MGA: variants seen among roughly 807,000 people sequenced by gnomAD.
MGA encodes MAX gene-associated protein.
Under a neutral mutation model 261.1 loss-of-function variants are expected in MGA, and 40 were observed. That is an observed-to-expected ratio of 0.15 (90% confidence interval 0.12 to 0.20). The LOEUF is 0.20. Ranked by LOEUF, MGA falls within the 10% of genes least tolerant of loss-of-function variation. The pLI, the probability that MGA is intolerant of heterozygous loss-of-function variation, is 1.00. For missense variants in MGA, 3,397 were observed against 3,630.5 expected (o/e 0.94, Z 1.65); for synonymous variants, 1,302 against 1,290.6 (o/e 1.01, Z -0.19).
chr15:41,740,275 G>A, intron 14 of MGA, 72 bp downstream of exon 14: 1 of 1,469,198 alleles, frequency 6.8e-7, no homozygotes, highest in Non-Finnish European at 9.3e-7. Flanking sequence ...CAGGTATGGA[G>A]GTTGTAAAAA....
Position 41,742,892 on chromosome 15 carries a change from T to C in MGA, c.4932T>C (p.Asn1644=). The change falls in exon 15 of 24, where the codon AAT becomes AAC. Residue 1644 remains asparagine, a synonymous_variant. Coordinates refer to ENST00000219905, the MANE Select transcript of MGA (RefSeq NM_001164273.2). Reference sequence around the variant, plus strand: ...GGGTTGTTGAGGTCTCTGAAACTAATACCAGCACCTCTGTAACATCTACCC... The same window carrying C: ...GGGTTGTTGAGGTCTCTGAAACTAACACCAGCACCTCTGTAACATCTACCC... 1 of 1,614,054 alleles carries C rather than the reference T, an allele frequency of 6.2e-7. No homozygotes were observed. The highest frequency in any genetic ancestry group is 8.5e-7 in the Non-Finnish European group (1 of 1,179,898).
chr15:41,640,381 C>G (rs2056797014), intron 1 of MGA, among the ~76,000 whole-genome samples: 1 of 152,110 alleles, frequency 6.6e-6, no homozygotes, highest in Admixed American at 6.5e-5. Context: ...TCTCACTAAC[C>G]TTAAAGTTAC....
intron 1 of MGA, among the ~76,000 whole-genome samples, chr15:41,666,481 A>G (rs536029766): frequency 4.6e-5 from 7 of 152,338 alleles, no homozygotes; most frequent in African/African-American, 7.2e-5. Flanking sequence ...ATCAGGTACT[A>G]TGTTCACTGC....
intron 1 of MGA, among the ~76,000 whole-genome samples, chr15:41,647,785 C>T (rs1311826660): frequency 6.6e-6 from 1 of 152,082 alleles, no homozygotes; most frequent in South Asian, 2.1e-4. Context: ...CTGGACATTT[C>T]CACTTAGATC....
chr15:41,684,556 A>G (rs1566972948), intron 2 of MGA: 1 of 309,234 alleles, frequency 3.2e-6, no homozygotes, highest in Non-Finnish European at 6.4e-6. Context: ...TAACTTACCA[A>G]GTTCAATTTC....
intron 1 of MGA, among the ~76,000 whole-genome samples, chr15:41,636,500 G>A (rs2056711783): frequency 7.1e-6 from 1 of 141,630 alleles, no homozygotes; most frequent in Non-Finnish European, 1.5e-5. Flanking sequence ...TTGCTCTGTT[G>A]CCCAGGCTGG....
At position 41,740,130 on chromosome 15, in the gene MGA, A is replaced by G. The variant is rs867630845; in HGVS notation, c.4512A>G (p.Ala1504=). 1 of 1,614,028 alleles carries G rather than the reference A, an allele frequency of 6.2e-7. No homozygotes were observed. Among genetic ancestry groups the G allele is most frequent in the Non-Finnish European group, 8.5e-7 (1 of 1,179,900 alleles). The change falls in exon 14 of 24, where the codon GCA becomes GCG. Residue 1504 remains alanine (A), a synonymous_variant. Transcript: ENST00000219905. ...CTTCAACATCCAATTCCAAAATGGC[A>G]TCCTCCTCTGGCACTGCAACAAATC...
rs1491528643 is a variant in MGA, at chr15:41,762,460, G to GTTTTTTTT, written c.7744+98_7744+99insTTTTTTTT. On this transcript the variant is annotated intron_variant, in intron 22 of 23. Transcript: ENST00000219905. The stretch of plus-strand genomic sequence containing the variant: ...CTTGTCCACATTTTTAGTTTTGTGT[G>GTTTTTTTT]GTTTTTTTTTTTTTTTTTTTTTTTT... 2.4e-4 allele frequency: 45 copies of GTTTTTTTT among 190,536 alleles called. 1 individual carries two copies. The highest frequency in any genetic ancestry group is 4.6e-4 in the African/African-American group (11 of 23,916). 11.8% of individuals were successfully genotyped at this position (190,536 alleles called of 1,614,324 possible). A position where few individuals can be genotyped will look rare whatever the true frequency, so the allele number is the denominator to read the frequency against.
At chr15:41,630,019 C>T (rs2056553396) in intron 1 of MGA, among the ~76,000 whole-genome samples, 1 of 152,178 alleles carries the variant, frequency 6.6e-6, no homozygotes, top group African/African-American at 2.4e-5. Context: ...TACTTTCTCT[C>T]CATTGTTTGA....
rs564893946 is a variant in MGA, at chr15:41,628,905, C to T, written c.-68+7607C>T. Among the ~76,000 whole-genome samples, 11 of 152,006 alleles carry T rather than the reference C, an allele frequency of 7.2e-5. No homozygotes were observed. The South Asian group carries it at 2.3e-3, about 32-fold the overall frequency. On this transcript the variant is annotated intron_variant, in intron 1 of 8. Transcript: ENST00000566718. ...CTGTAATTCCAGCACTTTGGGTGGC[C>T]GAGGCAGGTGGATCATGAGGTCAGG...
chr15:41,652,679 T>C lies in MGA; in HGVS notation c.-67-16149T>C, dbSNP rs548798445. Among the ~76,000 whole-genome samples, 68 of 152,090 alleles carry C rather than the reference T, an allele frequency of 4.5e-4. No homozygotes were observed. In the South Asian group the frequency reaches 0.011, roughly 24 times the overall value. On this transcript the variant is annotated intron_variant, in intron 1 of 8. Coordinates refer to the MGA transcript ENST00000566718. ...TTGTAGGTTTTGTATGTTTCTATAG[T>C]GTTCCAGAGGTTTTTCTACACTACC...
At chr15:41,656,621 A>C (rs966230719), upstream of MGA, among the ~76,000 whole-genome samples, 5 of 151,864 alleles carry the variant, frequency 3.3e-5, no homozygotes, top group Non-Finnish European at 7.4e-5. Context: ...TCAGCCTCCC[A>C]AAGTTCTGGG....
Position 41,713,377 on chromosome 15 carries a change from C to G in MGA, c.3311C>G (p.Ala1104Gly), listed in dbSNP as rs763628985. The change falls in exon 9 of 24, where the codon GCT (alanine) becomes GGT (glycine). Residue 1104 changes from alanine (A) to glycine (G), a missense_variant. Coordinates refer to ENST00000219905, the MANE Select transcript of MGA (RefSeq NM_001164273.2). ...ACTAAGCATTTTCAGAGGAAGGCTG[C>G]TCATCGAGATCCAGTATTTTATGAT... The G allele has an allele frequency of 1.2e-5, 19 of 1,611,490 alleles. No homozygotes were observed. Among genetic ancestry groups the G allele is most frequent in the Non-Finnish European group, 1.7e-6 (2 of 1,178,822 alleles).
In MGA at chr15:41,634,592, C is replaced by G. The variant is rs116576124; in HGVS notation, c.-68+13294C>G. Among the ~76,000 whole-genome samples, 832 of 152,302 alleles carry G rather than the reference C, an allele frequency of 5.5e-3. 7 individuals are homozygous for G. The highest frequency in any genetic ancestry group is 0.019 in the African/African-American group (803 of 41,562). On this transcript the variant is annotated intron_variant, in intron 1 of 8. Coordinates refer to the MGA transcript ENST00000566718. ...TGTTGTTTCCTCAGGAGACATCCTT[C>G]CCCTTTCCTTCCCCTTACTGAGGTA...
intron 22 of MGA, 59 bp downstream of exon 22, chr15:41,762,421 A>G (rs2063512150): frequency 4.0e-6 from 4 of 1,002,570 alleles, no homozygotes; most frequent in Non-Finnish European, 4.3e-6. Flanking sequence ...ACTTTAGTGG[A>G]CTGACCACCT....
chr15:41,718,691 G>A (rs1451380540), intron 9 of MGA: 1 of 234,082 alleles, frequency 4.3e-6, no homozygotes, highest in Non-Finnish European at 8.3e-6. Flanking sequence ...CTGATTAAGA[G>A]ATATTTTTGA....
chr15:41,746,420 C>G (rs1024546803), intron 15 of MGA, among the ~76,000 whole-genome samples: 5 of 151,840 alleles, frequency 3.3e-5, no homozygotes, highest in African/African-American at 1.2e-4. Flanking sequence ...GGTTGCATGC[C>G]TGTAATCCTA....
intron 16 of MGA, 88 bp from the exon 17 acceptor site, chr15:41,749,023 G>A (rs1351745354): frequency 1.6e-5 from 24 of 1,541,136 alleles, no homozygotes; most frequent in Non-Finnish European, 2.0e-5. Flanking sequence ...TCTCTTAAGA[G>A]TTACTTTTCC....
chr15:41,727,689 ACTC>A (rs946923978), intron 10 of MGA, among the ~76,000 whole-genome samples: 4 of 152,118 alleles, frequency 2.6e-5, no homozygotes, highest in African/African-American at 9.7e-5. Flanking sequence ...TAAAGATACT[ACTC>A]CTGTATTGTA....
Sources: gnomAD v4.1 joint callset for allele counts (sites outside exome capture counted in the v4.1 genomes callset) on GRCh38, gnomAD v4.1.1 for gene constraint, MANE v1.5 for transcripts, NCBI Gene and HGNC (gene_info 2026-07-23, HGNC 2026-07-21) for gene names.